The following SNX2 variants were observed in gnomAD, a reference collection of about 807,000 sequenced individuals.
The protein encoded by SNX2 is sorting nexin 2, also known as sorting nexin-2.
A neutral mutation model predicts 69.9 loss-of-function variants in SNX2; 25 were observed. The ratio of observed to expected loss-of-function variants is 0.36; its 90% CI spans 0.26 to 0.50. The LOEUF is 0.50. Among genes scored for constraint, SNX2 ranks in the 20% least tolerant of loss-of-function variants. SNX2 has a pLI of 0.97. For missense variants in SNX2, 551 were observed against 613.3 expected (o/e 0.90, Z 1.07); for synonymous variants, 229 against 200.4 (o/e 1.14, Z -1.20).
In SNX2 at chr5:122,830,376, G is replaced by C. The variant is rs577595600; in HGVS notation, c.*728G>C. 2.6e-5 allele frequency among the ~76,000 whole-genome samples: 4 copies of C among 152,074 alleles called. No individual in the cohort carries two copies. On this transcript the variant is annotated 3_prime_UTR_variant, in exon 15 of 15. Transcript: ENST00000379516. ...TTGTTTTTAACCATCTCTATTACAA[G>C]TGCCCAATTTAAGAATTAGGAAAAA...
intron 7 of SNX2, 117 bp from the exon 8 acceptor site, chr5:122,815,779 T>A: frequency 2.0e-6 from 1 of 509,404 alleles, no homozygotes; most frequent in East Asian, 3.2e-5. Flanking sequence ...GTGAGAGTAG[T>A]CTAATACGAG....
intron 11 of SNX2, among the ~76,000 whole-genome samples, chr5:122,822,846 A>C (rs1195411539): frequency 6.6e-6 from 1 of 152,166 alleles, no homozygotes; most frequent in Non-Finnish European, 1.5e-5. Context: ...TTTGTAGGGG[A>C]TCCCAATTTA....
chr5:122,823,806 G>GTGTGTA (rs1246351631), intron 11 of SNX2, among the ~76,000 whole-genome samples: 120 of 132,840 alleles, frequency 9.0e-4, no homozygotes, highest in Admixed American at 2.8e-3. Flanking sequence ...GTGTGTGTGT[G>GTGTGTA]TGTGTATGTG....
rs749997892 is a variant in SNX2, at chr5:122,807,054, G to A, written c.644-1223G>A. On this transcript the variant is annotated intron_variant, in intron 6 of 14. Transcript: ENST00000379516. ...TAATCCTAGCACTTTGGGAGGCTGA[G>A]GCAGTTGGATTGCTTGAGCTCAGGG... is the stretch of plus-strand genomic sequence containing the variant. Among the ~76,000 whole-genome samples the A allele has an allele frequency of 3.4e-4, 52 of 152,228 alleles. 1 individual carries two copies. The Middle Eastern group carries it at 0.014, about 40-fold the overall frequency.
At chr5:122,803,639 ATT>A (rs1491095960) in intron 6 of SNX2, 26 bp downstream of exon 6, 1 of 1,575,276 alleles carries the variant, frequency 6.3e-7, no homozygotes, top group East Asian at 2.3e-5. Flanking sequence ...TCAAAAATTA[ATT>A]TTTGTTACTG....
intron 2 of SNX2, chr5:122,795,700 C>A: frequency 5.4e-6 from 1 of 185,672 alleles, no homozygotes; most frequent in Non-Finnish European, 1.1e-5. Flanking sequence ...AGTGATTATA[C>A]CTTTTTATTG....
Position 122,829,775 on chromosome 5 carries a change from TACACACACAC to T in SNX2, c.*154_*163del, listed in dbSNP as rs3990570. ...TTTATGAATTACATGTGGTTTTATA[TACACACACAC>T]ACACACACACACACACACACACACA... On this transcript the variant is annotated 3_prime_UTR_variant, in exon 15 of 15. Transcript: ENST00000379516. 8,125 of 524,684 alleles carry T rather than the reference TACACACACAC, an allele frequency of 0.015. 73 individuals carry two copies. The highest frequency in any genetic ancestry group is 0.071 in the East Asian group (2,144 of 30,230). 32.5% of individuals were successfully genotyped at this position (524,684 alleles called of 1,614,324 possible).
At chr5:122,790,181 C>T (rs915734060) in intron 1 of SNX2, among the ~76,000 whole-genome samples, 15 of 152,182 alleles carry the variant, frequency 9.9e-5, no homozygotes, top group South Asian at 2.1e-4. Context: ...TGCAGTGGTG[C>T]GATCTCAGCT....
At chr5:122,795,146 C>A in intron 1 of SNX2, 120 bp from the exon 2 acceptor site, 2 of 647,774 alleles carry the variant, frequency 3.1e-6, no homozygotes, top group Admixed American at 2.4e-5. Context: ...ATATAAATAG[C>A]TGTTCTTGTT....
Position 122,829,718 on chromosome 5 carries a change from AT to A in SNX2, c.*73del. Reference sequence around the variant, plus strand: ...TTATGCTGGATTCCACAGTGAAATCATTTAAAACCATCTAAATAAACCACTA... The same window carrying A: ...TTATGCTGGATTCCACAGTGAAATCATTAAAACCATCTAAATAAACCACTA... On this transcript the variant is annotated 3_prime_UTR_variant, in exon 15 of 15. Transcript: ENST00000379516. 1 of 1,255,922 alleles carries A rather than the reference AT, an allele frequency of 8.0e-7. No homozygotes were observed. The highest frequency in any genetic ancestry group is 1.2e-6 in the Non-Finnish European group (1 of 856,752). The allele number at this position is 1,255,922 out of a possible 1,614,324, so 77.8% of individuals were successfully genotyped here. A position where few individuals can be genotyped will look rare whatever the true frequency, so the allele number is the denominator to read the frequency against.
chr5:122,775,169 G>A lies in SNX2; in HGVS notation c.66G>A (p.Glu22=). The A allele has an allele frequency of 6.3e-7, 1 of 1,595,036 alleles. No homozygotes were observed. The highest frequency in any genetic ancestry group is 8.5e-7 in the Non-Finnish European group (1 of 1,172,502). Residue 22 remains glutamate (E), a synonymous_variant, in exon 1 of 15, where the codon GAG becomes GAA. Coordinates refer to ENST00000379516, the MANE Select transcript of SNX2 (RefSeq NM_003100.4). The part of the protein sequence containing the change: ...DGKPTDFEDL[E]DGEDLFTSTV... The stretch of plus-strand genomic sequence containing the variant: ...AGCCCACCGACTTTGAGGATCTGGA[G>A]GACGGAGAGGACCTGTTCACCAGCA...
At chr5:122,820,942 A>G (rs1754010177) in intron 11 of SNX2, among the ~76,000 whole-genome samples, 1 of 152,196 alleles carries the variant, frequency 6.6e-6, no homozygotes, top group African/African-American at 2.4e-5. Flanking sequence ...ACATTTGTGG[A>G]AATACTGAAT....
chr5:122,786,362 G>T (rs1406425168), intron 1 of SNX2, among the ~76,000 whole-genome samples: 4 of 152,032 alleles, frequency 2.6e-5, no homozygotes, highest in Non-Finnish European at 5.9e-5. Context: ...GGCTAGATTA[G>T]ATCTACCGTT....
At chr5:122,806,142 G>GCACGCACGCGCACACACACACACA (rs1554063175) in intron 6 of SNX2, among the ~76,000 whole-genome samples, 33 of 130,650 alleles carry the variant, frequency 2.5e-4, no homozygotes, top group African/African-American at 9.0e-4. Context: ...ACACGCGCGC[G>GCACGCACGCGCACACACACACACA]CACACACACA....
rs751404165 is a variant in SNX2 at position 122,818,800 on chromosome 5, CT to C, written c.1007-10del. ...TATGAGTGAACACTAAAATTGCATA[CT>C]TTTTTTTAAATTTCAGAACTTTCAG... On this transcript the variant is annotated splice_polypyrimidine_tract_variant and intron_variant, in intron 10 of 14. Transcript: ENST00000379516. The C allele has an allele frequency of 1.5e-5, 24 of 1,599,278 alleles. No individual in the cohort carries two copies. The highest frequency in any genetic ancestry group is 5.4e-5 in the African/African-American group (4 of 74,416).
intron 8 of SNX2, among the ~76,000 whole-genome samples, chr5:122,816,187 TAAAAC>T (rs1223008470): frequency 6.6e-6 from 1 of 152,192 alleles, no homozygotes; most frequent in Non-Finnish European, 1.5e-5. Context: ...CTTGAATACT[TAAAAC>T]AAGATTTAAG....
Position 122,823,149 on chromosome 5 carries a change from G to A in SNX2, c.1213-2901G>A, listed in dbSNP as rs564193864. On this transcript the variant is annotated intron_variant, in intron 11 of 14. Coordinates refer to ENST00000379516, the MANE Select transcript of SNX2 (RefSeq NM_003100.4). Reference sequence around the variant, plus strand: ...AATGGAGGTCCTAAATGGATGATCCGTGTAAACTTATCCCTCTTATAATGG... The same window carrying A: ...AATGGAGGTCCTAAATGGATGATCCATGTAAACTTATCCCTCTTATAATGG... Among the ~76,000 whole-genome samples, 5 of 145,930 alleles carry A rather than the reference G, an allele frequency of 3.4e-5. No individual in the cohort carries two copies. In the South Asian group the frequency reaches 8.4e-4, roughly 25 times the overall value.
At chr5:122,816,626 T>G (rs1753905383) in intron 8 of SNX2, among the ~76,000 whole-genome samples, 1 of 152,146 alleles carries the variant, frequency 6.6e-6, no homozygotes, top group Non-Finnish European at 1.5e-5. Flanking sequence ...ACTTGGCAAT[T>G]TCTTAATATA....
intron 1 of SNX2, chr5:122,775,502 G>C: frequency 9.0e-7 from 1 of 1,106,480 alleles, no homozygotes; most frequent in South Asian, 4.0e-5. Context: ...GCCTTCCTCG[G>C]TGTCTCTTGC....
Sources: gnomAD v4.1 joint callset for allele counts (sites outside exome capture counted in the v4.1 genomes callset) on GRCh38, gnomAD v4.1.1 for gene constraint, MANE v1.5 for transcripts, NCBI Gene and HGNC (gene_info 2026-07-23, HGNC 2026-07-21) for gene names.